The following PCDH15 variants were observed in gnomAD, a reference collection of about 807,000 sequenced individuals.
PCDH15 encodes protocadherin related 15.
Under a neutral mutation model 178.5 loss-of-function variants are expected in PCDH15, and 129 were observed. That is an observed-to-expected ratio of 0.72 (90% CI 0.63 to 0.84). PCDH15 has a LOEUF of 0.84. Ranked by LOEUF, PCDH15 falls within the 40% of genes least tolerant of loss-of-function variation. The pLI is 0.00. For missense variants in PCDH15, 2,230 were observed against 2,099.9 expected (o/e 1.06, Z -1.21); for synonymous variants, 800 against 732.0 (o/e 1.09, Z -1.50).
chr10:55,223,925 T>C (rs1342022170), intron 1 of PCDH15, among the ~76,000 whole-genome samples: 2 of 152,076 alleles, frequency 1.3e-5, no homozygotes, highest in Admixed American at 1.3e-4. Context: ...ATACCCTCTA[T>C]AATAATATAA....
rs868613124 is a variant in PCDH15 at position 54,581,730 on chromosome 10, A to G, written c.92-53853T>C. ...GGTATTAATACAAAAACAGACACAT[A>G]GACGTATGGAACAGAAAAGAGAACC... On this transcript the variant is annotated intron_variant, in intron 2 of 37. Transcript: ENST00000644397. Among the ~76,000 whole-genome samples, 2 of 152,264 alleles carry G rather than the reference A, an allele frequency of 1.3e-5. 1 individual carries two copies. Among genetic ancestry groups the G allele is most frequent in the South Asian group, 4.1e-4 (2 of 4,830 alleles).
intron 2 of PCDH15, among the ~76,000 whole-genome samples, chr10:55,606,409 A>G (rs1418635554): frequency 7.3e-5 from 11 of 151,138 alleles, no homozygotes; most frequent in Non-Finnish European, 1.3e-4. Context: ...TAAAGTTCAT[A>G]TGGAACCAAA....
intron 2 of PCDH15, among the ~76,000 whole-genome samples, chr10:55,129,946 C>A (rs1482043033): frequency 6.6e-6 from 1 of 151,928 alleles, no homozygotes; most frequent in Non-Finnish European, 1.5e-5. Context: ...TTGAAATTAC[C>A]TGGTTAATTT....
intron 3 of PCDH15, among the ~76,000 whole-genome samples, chr10:54,454,849 AT>A (rs2076716842): frequency 6.6e-6 from 1 of 152,082 alleles, no homozygotes; most frequent in Admixed American, 6.6e-5. Flanking sequence ...GTTTTGAGAA[AT>A]TTTGTTTTAT....
intron 2 of PCDH15, among the ~76,000 whole-genome samples, chr10:55,510,542 TC>T (rs1177798103): frequency 6.6e-6 from 1 of 151,994 alleles, no homozygotes; most frequent in East Asian, 1.9e-4. Flanking sequence ...TAAAAGTCCA[TC>T]TTCTTACTGG....
intron 1 of PCDH15, among the ~76,000 whole-genome samples, chr10:54,768,142 G>A (rs1332864837): frequency 6.6e-6 from 1 of 151,986 alleles, no homozygotes; most frequent in Admixed American, 6.6e-5. Context: ...TAACCAAAGA[G>A]TCTAAATATG....
chr10:55,323,053 C>A (rs959646901), upstream of PCDH15, among the ~76,000 whole-genome samples: 2 of 152,256 alleles, frequency 1.3e-5, no homozygotes, highest in South Asian at 2.1e-4. Flanking sequence ...TAAAAGGGGC[C>A]AACTTGAAGC....
intron 2 of PCDH15, among the ~76,000 whole-genome samples, chr10:54,943,787 A>G (rs1440942529): frequency 6.6e-6 from 1 of 151,820 alleles, no homozygotes; most frequent in Non-Finnish European, 1.5e-5. Flanking sequence ...TTTGATCTTA[A>G]AAAAAGCACG....
intron 1 of PCDH15, among the ~76,000 whole-genome samples, chr10:54,695,244 G>C (rs1035680511): frequency 6.6e-6 from 1 of 152,058 alleles, no homozygotes; most frequent in Admixed American, 6.6e-5. Context: ...TCTGATTGTG[G>C]ATATAGAGAA....
chr10:54,516,040 A>T (rs2082178234), intron 3 of PCDH15, among the ~76,000 whole-genome samples: 1 of 152,210 alleles, frequency 6.6e-6, no homozygotes, highest in Non-Finnish European at 1.5e-5. Flanking sequence ...AACCACAAAG[A>T]TGGGGAAAAA....
At position 55,222,459 on chromosome 10, in the gene PCDH15, T is replaced by C. The variant is rs375691143; in HGVS notation, c.-155-55808A>G. Among the ~76,000 whole-genome samples the C allele has an allele frequency of 4.1e-4, 62 of 152,074 alleles. No homozygotes were observed. The East Asian group carries it at 0.011, about 26-fold the overall frequency. On this transcript the variant is annotated intron_variant, in intron 1 of 5. Transcript: ENST00000458638. ...GAGGAGAAACAACATCTTTAAAATA[T>C]TGATTCTTTTCATCCAGGATTATGA...
At chr10:54,754,075 G>A (rs1238963785) in intron 1 of PCDH15, among the ~76,000 whole-genome samples, 2 of 151,222 alleles carry the variant, frequency 1.3e-5, no homozygotes, top group South Asian at 2.1e-4. Flanking sequence ...TGATCCACCC[G>A]TCTCATCCTC....
At chr10:55,421,132 A>T (rs1055175166) in intron 2 of PCDH15, among the ~76,000 whole-genome samples, 1 of 151,590 alleles carries the variant, frequency 6.6e-6, no homozygotes, top group African/African-American at 2.4e-5. Flanking sequence ...GTCAAAATAT[A>T]TAAGATGCTG....
rs542735780 is a variant in PCDH15, at chr10:54,191,084, G to T, written c.1305+4599C>A. Among the ~76,000 whole-genome samples, 28 of 152,302 alleles carry T rather than the reference G, an allele frequency of 1.8e-4. No homozygotes were observed. In the East Asian group the frequency reaches 5.4e-3, roughly 29 times the overall value. On this transcript the variant is annotated intron_variant, in intron 11 of 37. Transcript: ENST00000644397. ...CATCATTAGCATCTTTGAAGCATCT[G>T]TTAGATAACCTAATTCATTCAATAG...
chr10:55,163,431 T>G (rs1437496602), intron 2 of PCDH15, among the ~76,000 whole-genome samples: 1 of 152,124 alleles, frequency 6.6e-6, no homozygotes, highest in East Asian at 1.9e-4. Context: ...TCATGAAAAC[T>G]TATTGATTTT....
chr10:54,148,943 G>C (rs1385347531), intron 14 of PCDH15, among the ~76,000 whole-genome samples: 1 of 151,746 alleles, frequency 6.6e-6, no homozygotes, highest in East Asian at 1.9e-4. Context: ...CTATTGACTA[G>C]ATAAGTCTAA....
At chr10:54,988,706 C>T (rs1184904231) in intron 2 of PCDH15, among the ~76,000 whole-genome samples, 1 of 152,084 alleles carries the variant, frequency 6.6e-6, no homozygotes, top group East Asian at 1.9e-4. Context: ...GACTTGGGTG[C>T]TGTTAAAGGT....
chr10:55,396,850 G>A (rs998562034), intron 2 of PCDH15, among the ~76,000 whole-genome samples: 15 of 152,086 alleles, frequency 9.9e-5, no homozygotes, highest in South Asian at 4.1e-4. Context: ...ATGGAATTTC[G>A]CCCAATGCAG....
intron 8 of PCDH15, among the ~76,000 whole-genome samples, chr10:54,276,323 A>G (rs1023883442): frequency 1.3e-5 from 2 of 151,802 alleles, no homozygotes; most frequent in African/African-American, 4.8e-5. Flanking sequence ...CCCTATAGAA[A>G]AATGGGAAAA....
Sources: allele counts gnomAD v4.1 joint callset (sites outside exome capture counted in the v4.1 genomes callset), GRCh38; gene constraint gnomAD v4.1.1; transcripts MANE v1.5; gene names NCBI Gene and HGNC (gene_info 2026-07-23, HGNC 2026-07-21).